Variants in BBX observed in about 807,000 individuals in gnomAD.
BBX encodes the protein HMG box transcription factor BBX.
A neutral mutation model predicts 100.2 loss-of-function variants in BBX; 30 were observed. That is an observed-to-expected ratio of 0.30 (90% CI 0.22 to 0.41). The LOEUF (loss-of-function observed/expected upper bound fraction) is 0.41, where lower values mean the gene tolerates loss of function less well. Among genes scored for constraint, BBX ranks in the 10% least tolerant of loss-of-function variants. BBX has a pLI of 1.00. For missense variants in BBX, 1,023 were observed against 1,129.8 expected (o/e 0.91, Z 1.35); for synonymous variants, 376 against 388.1 (o/e 0.97, Z 0.37).
At chr3:107,671,387 C>T (rs1005398425) in intron 3 of BBX, among the ~76,000 whole-genome samples, 1 of 151,932 alleles carries the variant, frequency 6.6e-6, no homozygotes, top group African/African-American at 2.4e-5. Context: ...ACCACTGAGA[C>T]TATTAAGAGA....
In BBX at chr3:107,801,083, CTT is replaced by C. The variant is rs758117206; in HGVS notation, c.2552-9_2552-8del. ...AGTGATCCTCTCATGATGGATTTCT[CTT>C]TTGTTACAGATGACAAACCAAAGGA... is the stretch of plus-strand genomic sequence containing the variant. On this transcript the variant is annotated splice_polypyrimidine_tract_variant and intron_variant, in intron 16 of 17. Coordinates refer to ENST00000325805, the MANE Select transcript of BBX (RefSeq NM_001142568.3). 5.5e-5 allele frequency: 88 copies of C among 1,612,982 alleles called. No homozygotes were observed. In the Admixed American group the frequency reaches 1.5e-3, roughly 27 times the overall value.
chr3:107,729,485 G>A (rs1427517820), intron 6 of BBX, among the ~76,000 whole-genome samples: 4 of 152,160 alleles, frequency 2.6e-5, no homozygotes, highest in Admixed American at 1.3e-4. Flanking sequence ...TCTTGTATGG[G>A]ACAGACAAAT....
intron 2 of BBX, among the ~76,000 whole-genome samples, chr3:107,601,001 CTG>C (rs1316572750): frequency 6.6e-6 from 1 of 152,172 alleles, no homozygotes; most frequent in Non-Finnish European, 1.5e-5. Context: ...CTTCCTGTTT[CTG>C]TGTTACAATT....
chr3:107,551,757 A>G (rs2049701474), intron 2 of BBX, among the ~76,000 whole-genome samples: 1 of 152,250 alleles, frequency 6.6e-6, no homozygotes, highest in Non-Finnish European at 1.5e-5. Context: ...ATGATCAGGA[A>G]CATCCTTCTG....
At chr3:107,763,750 A>G (rs1301699866) in intron 10 of BBX, among the ~76,000 whole-genome samples, 2 of 152,214 alleles carry the variant, frequency 1.3e-5, no homozygotes. Flanking sequence ...CCTAGGTATT[A>G]ACATACTGAT....
chr3:107,678,840 A>G (rs1439432517), intron 3 of BBX, among the ~76,000 whole-genome samples: 2 of 152,190 alleles, frequency 1.3e-5, no homozygotes, highest in African/African-American at 4.8e-5. Flanking sequence ...ACTTACTGCA[A>G]AGCACTATTC....
At chr3:107,667,347 T>G (rs1036086911) in intron 3 of BBX, among the ~76,000 whole-genome samples, 3 of 152,178 alleles carry the variant, frequency 2.0e-5, no homozygotes, top group African/African-American at 7.2e-5. Context: ...CACTTAATAT[T>G]TTATTAATTT....
At chr3:107,784,242 G>A (rs2068192217) in intron 13 of BBX, among the ~76,000 whole-genome samples, 1 of 151,848 alleles carries the variant, frequency 6.6e-6, no homozygotes, top group Non-Finnish European at 1.5e-5. Context: ...AAAAAGAATT[G>A]GTGGATAGAG....
At chr3:107,723,899 G>A (rs1364789219) in intron 5 of BBX, among the ~76,000 whole-genome samples, 1 of 152,174 alleles carries the variant, frequency 6.6e-6, no homozygotes, top group South Asian at 2.1e-4. Context: ...ATAGCAGCAC[G>A]ATTTATATTC....
At chr3:107,583,601 C>G (rs1014565801) in intron 2 of BBX, among the ~76,000 whole-genome samples, 16 of 151,626 alleles carry the variant, frequency 1.1e-4, no homozygotes, top group Admixed American at 1.3e-4. Flanking sequence ...TTCTTCTCCT[C>G]TAACCATTTT....
intron 15 of BBX, among the ~76,000 whole-genome samples, chr3:107,798,128 A>C (rs182632399): frequency 3.9e-5 from 6 of 152,298 alleles, no homozygotes; most frequent in African/African-American, 1.2e-4. Context: ...CCTCTGAAGA[A>C]ATTTCTTTTA....
In BBX at chr3:107,564,313, CAT is replaced by C. The variant is rs537481108; in HGVS notation, c.-84+37920_-84+37921del. Among the ~76,000 whole-genome samples the C allele has an allele frequency of 3.5e-3, 533 of 152,162 alleles. 2 individuals are homozygous for C. The highest frequency in any genetic ancestry group is 6.2e-3 in the Admixed American group (94 of 15,278). ...TGACTATATGTATGTATGTGTTAGA[CAT>C]ATATTTATATGGCAAATATTTTTTA... On this transcript the variant is annotated intron_variant, in intron 2 of 17. Transcript: ENST00000325805.
Position 107,808,954 on chromosome 3 carries a change from C to G in BBX, c.*3497C>G, listed in dbSNP as rs530942390. The G allele has an allele frequency of 6.6e-6, 1 of 152,138 alleles. No homozygotes were observed. Among genetic ancestry groups the G allele is most frequent in the Non-Finnish European group, 1.5e-5 (1 of 68,016 alleles). The allele number at this position is 152,138 out of a possible 1,614,324, so 9.4% of individuals were successfully genotyped here. ...CCTGCCACTAAAATTGCTGGAGAAA[C>G]AAAATAATGATGGAACACTATGAAC... On this transcript the variant is annotated 3_prime_UTR_variant, in exon 18 of 18. Transcript: ENST00000325805.
intron 2 of BBX, among the ~76,000 whole-genome samples, chr3:107,534,800 A>T (rs937896461): frequency 1.3e-5 from 2 of 152,222 alleles, no homozygotes; most frequent in African/African-American, 4.8e-5. Context: ...TGTTGTTTTT[A>T]TGAAATAATG....
intron 3 of BBX, among the ~76,000 whole-genome samples, chr3:107,660,575 C>T (rs1181780136): frequency 6.9e-6 from 1 of 143,970 alleles, no homozygotes; most frequent in African/African-American, 2.5e-5. Flanking sequence ...CAGAGCAGTA[C>T]TGTACTTTAG....
chr3:107,691,213 C>G (rs2047170), intron 3 of BBX, among the ~76,000 whole-genome samples: 150,682 of 152,220 alleles, frequency 0.99, 74,603 homozygotes, highest in Middle Eastern at 1. Context: ...TGGCCACTCT[C>G]GTACTTTTTA....
At chr3:107,576,739 G>T (rs2051807979) in intron 2 of BBX, among the ~76,000 whole-genome samples, 1 of 151,958 alleles carries the variant, frequency 6.6e-6, no homozygotes, top group Admixed American at 6.6e-5. Context: ...TTTTTACTTT[G>T]TGATTTTTGT....
At chr3:107,668,404 T>C (rs2058856108) in intron 3 of BBX, among the ~76,000 whole-genome samples, 1 of 152,186 alleles carries the variant, frequency 6.6e-6, no homozygotes, top group African/African-American at 2.4e-5. Flanking sequence ...TATGGTTATT[T>C]CCTGTTAACT....
At chr3:107,751,475 A>G (rs2065072761) in intron 9 of BBX, among the ~76,000 whole-genome samples, 1 of 152,220 alleles carries the variant, frequency 6.6e-6, no homozygotes. Context: ...TCTTAGAAAC[A>G]TACTTTTAAC....
Sources: gnomAD v4.1 joint callset for allele counts (sites outside exome capture counted in the v4.1 genomes callset) on GRCh38, gnomAD v4.1.1 for gene constraint, MANE v1.5 for transcripts, NCBI Gene and HGNC (gene_info 2026-07-23, HGNC 2026-07-21) for gene names.